The following PCDHGB5 variants were observed in gnomAD, a reference collection of about 807,000 sequenced individuals.
PCDHGB5 encodes the protein protocadherin gamma-B5.
PCDHGB5 carries 48 observed loss-of-function variants against 62.9 expected under a neutral mutation model. The observed-to-expected ratio is 0.76, with a 90% CI of 0.61 to 0.97. PCDHGB5 has a LOEUF of 0.97. Ranked by LOEUF, PCDHGB5 falls within the 50% of genes least tolerant of loss-of-function variation. The probability of loss-of-function intolerance (pLI) is 0.00; values close to 1 mark genes in which losing one functional copy is unlikely to be tolerated. For synonymous variants in PCDHGB5, 474 were observed against 511.2 expected (o/e 0.93, Z 0.98); for missense variants, 1,118 against 1,198.6 (o/e 0.93, Z 0.99).
chr5:141,419,065 C>T (rs763008753), intron 1 of PCDHGB5: 3 of 1,613,904 alleles, frequency 1.9e-6, no homozygotes, highest in Non-Finnish European at 2.5e-6. Flanking sequence ...ATAATTACTA[C>T]AAGCTAGTAA....
chr5:141,510,833 C>G, intron 3 of PCDHGB5, 114 bp from the exon 4 acceptor site: 2 of 1,577,796 alleles, frequency 1.3e-6, no homozygotes, highest in Admixed American at 1.7e-5. Context: ...CAGTGCTCAG[C>G]GTGGTCAAGG....
At chr5:141,409,104 T>C in intron 1 of PCDHGB5, 3 of 1,613,960 alleles carry the variant, frequency 1.9e-6, no homozygotes, top group Non-Finnish European at 2.5e-6. Context: ...ACAGGTATGA[T>C]TAAGAATAAC....
Position 141,400,255 on chromosome 5 carries a change from C to A in PCDHGB5, c.2128C>A (p.Arg710Ser), listed in dbSNP as rs2093990770. The A allele has an allele frequency of 4.3e-6, 7 of 1,613,928 alleles. No homozygotes were observed. Among genetic ancestry groups the A allele is most frequent in the Non-Finnish European group, 1.7e-6 (2 of 1,179,912 alleles). The change falls in exon 1 of 4, where the codon CGC (arginine) becomes AGC (serine). Residue 710 changes from arginine (R) to serine (S), a missense_variant. Transcript: ENST00000617380. Reference sequence around the variant, plus strand: ...GGCCGTGATTCTGGCCGTTGCCTTGCGCCTGCGACGCTCCTCCAGCCCTGC... The same window carrying A: ...GGCCGTGATTCTGGCCGTTGCCTTGAGCCTGCGACGCTCCTCCAGCCCTGC... ...LLAVILAVAL[R>S]LRRSSSPAAW...
intron 1 of PCDHGB5, among the ~76,000 whole-genome samples, chr5:141,455,576 G>T (rs752051075): frequency 1.3e-5 from 2 of 152,154 alleles, no homozygotes; most frequent in Non-Finnish European, 2.9e-5. Flanking sequence ...TCCCACCCCA[G>T]CCTTTTAATA....
chr5:141,418,663 C>T, intron 1 of PCDHGB5: 1 of 1,613,960 alleles, frequency 6.2e-7, no homozygotes, highest in South Asian at 1.1e-5. Flanking sequence ...AGGCCACTGA[C>T]CAGGACGAGG....
intron 1 of PCDHGB5, chr5:141,426,871 A>G (rs887250057): frequency 2.2e-6 from 1 of 456,722 alleles, no homozygotes; most frequent in Non-Finnish European, 4.4e-6. Flanking sequence ...GTGCTGGAGA[A>G]GCCCCTGGGC....
rs769641310 is a variant in PCDHGB5, at chr5:141,477,421, T to G, written c.2398-17386T>G. 1.7e-5 allele frequency: 28 copies of G among 1,614,172 alleles called. No individual in the cohort carries two copies. Among genetic ancestry groups the G allele is most frequent in the Non-Finnish European group, 2.3e-5 (27 of 1,180,028 alleles). On this transcript the variant is annotated intron_variant, in intron 1 of 3. Coordinates refer to ENST00000617380, the MANE Select transcript of PCDHGB5 (RefSeq NM_018925.3). The surrounding 1 kb of genome is among the most constrained non-coding windows in gnomAD (Gnocchi z 4.9). ...TCACCGCCCGAGACGCCGGAACCCC[T>G]TCCCTCTCAGCCCTTACAATAGTGC...
chr5:141,429,697 C>T (rs2097236349), intron 1 of PCDHGB5, among the ~76,000 whole-genome samples: 1 of 152,134 alleles, frequency 6.6e-6, no homozygotes, highest in African/African-American at 2.4e-5. Context: ...AATATCTTTA[C>T]AGTATAAATA....
At chr5:141,403,270 T>C (rs1284833810) in intron 1 of PCDHGB5, 2 of 1,613,770 alleles carry the variant, frequency 1.2e-6, no homozygotes, top group African/African-American at 1.3e-5. Flanking sequence ...TGGTGAACTT[T>C]AAAGTCCTGG....
chr5:141,399,393 CAG>C lies in PCDHGB5; in HGVS notation c.1267_1268del (p.Arg423GlyfsTer21), dbSNP rs1335804490. On this transcript the variant is annotated frameshift_variant, in exon 1 of 4. Coordinates refer to ENST00000617380, the MANE Select transcript of PCDHGB5 (RefSeq NM_018925.3). LOFTEE classifies it high-confidence loss of function. Reference protein sequence around the residue: ...EYNVTITATDRGKPPLSSSIS... With the variant: ...EYNVTITATDXGKPPLSSSIS... ...ACAATGTCACCATCACAGCCACAGACAGGGGCAAGCCGCCCCTCTCCTCCAGC... is the reference window on the plus strand; with the variant it reads ...ACAATGTCACCATCACAGCCACAGACGGGCAAGCCGCCCCTCTCCTCCAGC... The C allele has an allele frequency of 6.2e-7, 1 of 1,613,976 alleles. No individual in the cohort carries two copies. The highest frequency in any genetic ancestry group is 8.5e-7 in the Non-Finnish European group (1 of 1,179,852).
intron 1 of PCDHGB5, among the ~76,000 whole-genome samples, chr5:141,450,062 A>G (rs546772416): frequency 1.1e-4 from 15 of 142,322 alleles, no homozygotes; most frequent in African/African-American, 4.0e-4. Flanking sequence ...GCTGGAATGC[A>G]GTGGTATGAT....
At chr5:141,409,464 C>A in intron 1 of PCDHGB5, 1 of 1,613,940 alleles carries the variant, frequency 6.2e-7, no homozygotes, top group South Asian at 1.1e-5. Context: ...TACAATGTCA[C>A]CATCGTAGCC....
At chr5:141,445,109 T>C (rs571834974) in intron 1 of PCDHGB5, among the ~76,000 whole-genome samples, 23 of 152,246 alleles carry the variant, frequency 1.5e-4, no homozygotes, top group Non-Finnish European at 2.8e-4. Flanking sequence ...TCTAATGTTA[T>C]TGTAAATAGT....
intron 1 of PCDHGB5, among the ~76,000 whole-genome samples, chr5:141,492,574 G>T (rs2099742096): frequency 6.6e-6 from 1 of 152,232 alleles, no homozygotes; most frequent in Non-Finnish European, 1.5e-5. Flanking sequence ...TGAGCGAGGC[G>T]CGGGGCCAGG....
intron 2 of PCDHGB5, among the ~76,000 whole-genome samples, chr5:141,497,980 G>A (rs983045402): frequency 2.0e-5 from 3 of 152,168 alleles, no homozygotes; most frequent in African/African-American, 7.2e-5. Context: ...GATGTGGGAG[G>A]CCCCTGCCCT....
rs2099383865 is a variant in PCDHGB5, at chr5:141,476,005, A to G, written c.2398-18802A>G. 1 of 1,267,576 alleles carries G rather than the reference A, an allele frequency of 7.9e-7. No homozygotes were observed. Among genetic ancestry groups the G allele is most frequent in the East Asian group, 2.3e-5 (1 of 42,864 alleles). 78.5% of individuals were successfully genotyped at this position (1,267,576 alleles called of 1,614,324 possible). A position where few individuals can be genotyped will look rare whatever the true frequency, so the allele number is the denominator to read the frequency against. ...CGGCGAGCAAATCAACGGCATCCAG[A>G]AAGCCATGTCGGACTCGGCGCCCAG... On this transcript the variant is annotated intron_variant, in intron 1 of 3. Coordinates refer to ENST00000617380, the MANE Select transcript of PCDHGB5 (RefSeq NM_018925.3). This position sits in a 1 kb window ranked among gnomAD's most constrained non-coding sequence, Gnocchi z 7.6.
intron 1 of PCDHGB5, among the ~76,000 whole-genome samples, chr5:141,455,803 A>C (rs1197986124): frequency 2.6e-5 from 4 of 152,068 alleles, no homozygotes; most frequent in Non-Finnish European, 4.4e-5. Flanking sequence ...TGCTTTAAAA[A>C]ATGAAAACTT....
At position 141,477,131 on chromosome 5, in the gene PCDHGB5, TTGG is replaced by T; in HGVS notation, c.2398-17672_2398-17670del. 1 of 1,614,130 alleles carries T rather than the reference TTGG, an allele frequency of 6.2e-7. No individual in the cohort carries two copies. The highest frequency in any genetic ancestry group is 8.5e-7 in the Non-Finnish European group (1 of 1,180,014). On this transcript the variant is annotated intron_variant, in intron 1 of 3. Transcript: ENST00000617380. The surrounding 1 kb of genome is among the most constrained non-coding windows in gnomAD (Gnocchi z 4.9). The stretch of plus-strand genomic sequence containing the variant: ...TCCCGAAGGAGCACATTGCAAAGTG[TTGG>T]TGGAGGTTGTGGATGTGAATGACAA...
At chr5:141,506,231 A>G (rs1453468632) in intron 3 of PCDHGB5, among the ~76,000 whole-genome samples, 4 of 152,082 alleles carry the variant, frequency 2.6e-5, no homozygotes, top group African/African-American at 4.8e-5. Context: ...CAGGAGGATC[A>G]TGAGGTCAGG....
Sources: allele counts gnomAD v4.1 joint callset (sites outside exome capture counted in the v4.1 genomes callset), GRCh38; gene constraint gnomAD v4.1.1; non-coding constraint Gnocchi (gnomAD v3.1); transcripts MANE v1.5; gene names NCBI Gene and HGNC (gene_info 2026-07-23, HGNC 2026-07-21).